Variants in GCN1 observed in about 807,000 individuals in gnomAD.
GCN1 encodes the protein stalled ribosome sensor GCN1.
A neutral mutation model predicts 288.4 loss-of-function variants in GCN1; 90 were observed. The observed-to-expected ratio is 0.31, with a 90% CI of 0.26 to 0.37. GCN1 has a LOEUF of 0.37. Ranked by LOEUF, GCN1 falls within the 10% of genes least tolerant of loss-of-function variation. The pLI is 1.00. For synonymous variants in GCN1, 1,386 were observed against 1,420.2 expected (o/e 0.98, Z 0.54); for missense variants, 2,586 against 3,419.9 (o/e 0.76, Z 6.08).
intron 55 of GCN1, 32 bp from the exon 56 acceptor site, chr12:120,130,785 C>T (rs751368346): frequency 3.6e-6 from 5 of 1,396,622 alleles, no homozygotes; most frequent in African/African-American, 1.4e-5. Context: ...AGACGGGAGG[C>T]CCCCCACCCC....
At position 120,127,625 on chromosome 12, in the gene GCN1, C is replaced by T. The variant is rs181433566; in HGVS notation, c.*224G>A. The T allele has an allele frequency of 6.2e-5, 33 of 528,942 alleles. No homozygotes were observed. The highest frequency in any genetic ancestry group is 9.2e-5 in the Non-Finnish European group (27 of 293,640). 32.8% of individuals were successfully genotyped at this position (528,942 alleles called of 1,614,324 possible). A position where few individuals can be genotyped will look rare whatever the true frequency, so the allele number is the denominator to read the frequency against. On this transcript the variant is annotated 3_prime_UTR_variant, in exon 58 of 58. Transcript: ENST00000300648. ...GGGCTGCCATTTGCTGAGGCGCATGCGTGTGCTTTTCCTTCTCTTCTCCAC... is the reference window on the plus strand; with the variant it reads ...GGGCTGCCATTTGCTGAGGCGCATGTGTGTGCTTTTCCTTCTCTTCTCCAC...
chr12:120,175,627 C>T lies in GCN1; in HGVS notation c.1042+119G>A. On this transcript the variant is annotated intron_variant, in intron 11 of 57. Transcript: ENST00000300648. The stretch of plus-strand genomic sequence containing the variant: ...ATTCACATTCCAGTGTGACGTCCCC[C>T]TGGCCACACAGCCTTGCCACAGGCA... 3 of 1,061,586 alleles carry T rather than the reference C, an allele frequency of 2.8e-6. No homozygotes were observed. The South Asian group carries it at 4.5e-5, about 16-fold the overall frequency. 65.8% of individuals were successfully genotyped at this position (1,061,586 alleles called of 1,614,324 possible).
At chr12:120,143,639 A>C (rs1300172475) in intron 42 of GCN1, among the ~76,000 whole-genome samples, 1 of 152,108 alleles carries the variant, frequency 6.6e-6, no homozygotes, top group Non-Finnish European at 1.5e-5. Flanking sequence ...TTTTAAATCA[A>C]CCTCCAATTT....
intron 15 of GCN1, among the ~76,000 whole-genome samples, chr12:120,169,163 C>T (rs1020521422): frequency 5.3e-5 from 8 of 151,258 alleles, no homozygotes; most frequent in South Asian, 2.1e-4. Flanking sequence ...CGCGTGGCGG[C>T]GTAGCGCCTG....
At chr12:120,131,445 A>G in intron 54 of GCN1, 112 bp from the exon 55 acceptor site, 1 of 1,029,936 alleles carries the variant, frequency 9.7e-7, no homozygotes, top group Admixed American at 2.2e-5. Context: ...CCAGAGCACA[A>G]GGAAAACTCC....
rs756779032 is a variant in GCN1 at position 120,155,524 on chromosome 12, C to G, written c.3440+68G>C. 1.2e-6 allele frequency: 2 copies of G among 1,604,924 alleles called. No individual in the cohort carries two copies. Among genetic ancestry groups the G allele is most frequent in the Non-Finnish European group, 1.7e-6 (2 of 1,172,244 alleles). On this transcript the variant is annotated intron_variant, in intron 29 of 57. Transcript: ENST00000300648. The surrounding 1 kb of genome is among the most constrained non-coding windows in gnomAD (Gnocchi z 4.9). The stretch of plus-strand genomic sequence containing the variant: ...TTCTTCCCACTGGAGGCTGAGCACA[C>G]TGGGTTCAGTTATTTCCTAAAGGAA...
chr12:120,171,141 CAA>C (rs56734169), intron 14 of GCN1, among the ~76,000 whole-genome samples: 35 of 88,396 alleles, frequency 4.0e-4, no homozygotes, highest in Admixed American at 5.4e-4. Context: ...ACCCCATCTC[CAA>C]AAAAAAAAAA....
chr12:120,166,508 G>T (rs1364324189), intron 16 of GCN1, among the ~76,000 whole-genome samples: 1 of 151,104 alleles, frequency 6.6e-6, no homozygotes, highest in Non-Finnish European at 1.5e-5. Flanking sequence ...ACCAAGACCA[G>T]CCTGGCTAAC....
intron 5 of GCN1, among the ~76,000 whole-genome samples, chr12:120,182,336 A>G (rs1878692067): frequency 6.6e-6 from 1 of 152,082 alleles, no homozygotes; most frequent in Non-Finnish European, 1.5e-5. Flanking sequence ...TCCATCATCA[A>G]TCAATTATAC....
chr12:120,129,734 G>A (rs1282393574), intron 56 of GCN1, among the ~76,000 whole-genome samples: 5 of 152,184 alleles, frequency 3.3e-5, no homozygotes, highest in South Asian at 2.1e-4. Flanking sequence ...CCAGGGCCTC[G>A]GGCCTCTGCC....
chr12:120,176,290 C>T (rs2269945), intron 9 of GCN1, 73 bp from the exon 10 acceptor site: 174,168 of 962,782 alleles, frequency 0.18, 20,165 homozygotes, highest in East Asian at 0.55. Context: ...TTCCCCTACT[C>T]CCCAGCAAAT....
At position 120,148,308 on chromosome 12, in the gene GCN1, G is replaced by A. The variant is rs768800152; in HGVS notation, c.4585C>T (p.Pro1529Ser). 13 of 1,613,946 alleles carry A rather than the reference G, an allele frequency of 8.1e-6. No homozygotes were observed. Among genetic ancestry groups the A allele is most frequent in the Non-Finnish European group, 5.1e-6 (6 of 1,179,976 alleles). Residue 1529 changes from proline (P) to serine (S), a missense_variant, in exon 37 of 58, where the codon CCT (proline) becomes TCT (serine). Transcript: ENST00000300648. ...ELLGAMAYCAPKQLSSCLPNI... is the reference protein window; with the variant it reads ...ELLGAMAYCASKQLSSCLPNI... ...GGTAGACAGGATGACAGCTGCTTAG[G>A]AGCACAGTACGCCATTGCCCCAAGA... is the stretch of plus-strand genomic sequence containing the variant.
At chr12:120,138,643 C>G in intron 46 of GCN1, 52 bp downstream of exon 46, 1 of 1,562,772 alleles carries the variant, frequency 6.4e-7, no homozygotes, top group Non-Finnish European at 8.8e-7. Context: ...TTTCCATCTA[C>G]AAAGACGGCA....
intron 33 of GCN1, among the ~76,000 whole-genome samples, chr12:120,152,558 T>C (rs1364440454): frequency 1.7e-5 from 2 of 120,066 alleles, no homozygotes; most frequent in East Asian, 2.3e-4. Flanking sequence ...ATTATAGGCA[T>C]GAGCCACCAC....
At chr12:120,186,619 C>T (rs1315906415) in intron 2 of GCN1, among the ~76,000 whole-genome samples, 2 of 152,140 alleles carry the variant, frequency 1.3e-5, no homozygotes, top group Non-Finnish European at 2.9e-5. Context: ...CGCAGTTTCC[C>T]CAGGGCCCTG....
At chr12:120,148,131 G>C (rs779576412) in intron 37 of GCN1, 36 bp downstream of exon 37, 16 of 1,531,256 alleles carry the variant, frequency 1.0e-5, no homozygotes, top group Non-Finnish European at 1.3e-5. Context: ...GCGTTGGTGG[G>C]AGGTCAGGGC....
At chr12:120,176,272 T>G in intron 9 of GCN1, 55 bp from the exon 10 acceptor site, 1 of 1,210,892 alleles carries the variant, frequency 8.3e-7, no homozygotes, top group Non-Finnish European at 1.2e-6. Flanking sequence ...ATTCAACAGA[T>G]AATTTTGTTC....
At chr12:120,192,593 G>A (rs189193622) in intron 1 of GCN1, among the ~76,000 whole-genome samples, 2 of 152,132 alleles carry the variant, frequency 1.3e-5, no homozygotes, top group Admixed American at 1.3e-4. Context: ...TTAGCTGGGC[G>A]TGGTGCCGGG....
chr12:120,138,155 A>G, intron 47 of GCN1, 111 bp from the exon 48 acceptor site: 1 of 1,053,636 alleles, frequency 9.5e-7, no homozygotes, highest in Non-Finnish European at 1.4e-6. Flanking sequence ...AGAGCCAAGC[A>G]TCTACTCCAG....
Sources: allele counts gnomAD v4.1 joint callset (sites outside exome capture counted in the v4.1 genomes callset), GRCh38; gene constraint gnomAD v4.1.1; non-coding constraint Gnocchi (gnomAD v3.1); transcripts MANE v1.5; gene names NCBI Gene and HGNC (gene_info 2026-07-23, HGNC 2026-07-21).